LSP1: variants seen among roughly 807,000 people sequenced by gnomAD.
LSP1 encodes the protein lymphocyte specific protein 1, also known as lymphocyte-specific protein 1.
Under a neutral mutation model 49.3 loss-of-function variants are expected in LSP1, and 32 were observed. That is an observed-to-expected ratio of 0.65 (90% CI 0.49 to 0.87). LSP1 has a LOEUF of 0.87. LSP1 is among the 40% of genes least tolerant of loss of function. The pLI is 0.00. For synonymous variants in LSP1, 179 were observed against 178.8 expected, an observed-to-expected ratio of 1.00 and a Z score of -0.01; for missense variants, 428 against 442.6, an observed-to-expected ratio of 0.97 and a Z score of 0.30.
intron 1 of LSP1, among the ~76,000 whole-genome samples, chr11:1,855,171 G>T (rs74047611): frequency 0.055 from 8,339 of 152,276 alleles, 767 homozygotes; most frequent in African/African-American, 0.19. Context: ...GAAACTGAGA[G>T]CCCCAGTGGG....
intron 10 of LSP1, chr11:1,889,001 G>A: frequency 1.8e-6 from 1 of 550,716 alleles, no homozygotes; most frequent in Non-Finnish European, 3.2e-6. Flanking sequence ...AGCACCCCAT[G>A]TGCCCTTCCC....
At chr11:1,878,043 G>A (rs1459397871) in intron 1 of LSP1, among the ~76,000 whole-genome samples, 6 of 152,132 alleles carry the variant, frequency 3.9e-5, no homozygotes, top group African/African-American at 1.4e-4. Flanking sequence ...TGGAGTGAGG[G>A]CCCTGGACCC....
rs1298324143 is a variant in LSP1, at chr11:1,880,145, C to A, written c.112C>A (p.His38Asn). ...EEEAVHEQCQ[H>N]ERDRQLQAQD... ...GGAGGCCGTCCACGAGCAATGCCAG[C>A]ATGAGAGAGACAGGCAGCTTCAGGC... Residue 38 changes from histidine to asparagine, a missense_variant, in exon 2 of 11, where the codon CAT becomes AAT. Transcript: ENST00000311604. The A allele has an allele frequency of 6.2e-7, 1 of 1,608,570 alleles. No individual in the cohort carries two copies. Among genetic ancestry groups the A allele is most frequent in the Non-Finnish European group, 8.5e-7 (1 of 1,176,904 alleles).
At chr11:1,872,169 G>C (rs1848051845) in intron 1 of LSP1, among the ~76,000 whole-genome samples, 1 of 141,264 alleles carries the variant, frequency 7.1e-6, no homozygotes, top group African/African-American at 2.7e-5. Flanking sequence ...TGCTGGTAGA[G>C]TTGGGGTCTG....
intron 1 of LSP1, among the ~76,000 whole-genome samples, chr11:1,860,242 A>AATGG (rs916169602): frequency 5.9e-5 from 9 of 152,220 alleles, no homozygotes; most frequent in South Asian, 4.2e-4. Context: ...AGTAGGAACA[A>AATGG]ATGGATGGAT....
chr11:1,870,749 A>C (rs1331908857), intron 1 of LSP1: 1 of 997,132 alleles, frequency 1.0e-6, no homozygotes, highest in Non-Finnish European at 1.2e-6. Flanking sequence ...CAGAGACTTC[A>C]GGGATGTGAG....
chr11:1,872,622 G>A (rs1257214282), intron 1 of LSP1, among the ~76,000 whole-genome samples: 4 of 134,040 alleles, frequency 3.0e-5, no homozygotes, highest in African/African-American at 8.7e-5. Flanking sequence ...CAGTCACCCC[G>A]GTGCACGCTG....
chr11:1,859,739 C>T (rs1847578758), intron 1 of LSP1, among the ~76,000 whole-genome samples: 1 of 150,760 alleles, frequency 6.6e-6, no homozygotes, highest in Admixed American at 6.6e-5. Flanking sequence ...TGACCCACCA[C>T]CCTGCCCCCT....
chr11:1,866,294 C>A lies in LSP1; in HGVS notation c.53+13097C>A, dbSNP rs112621430. On this transcript the variant is annotated intron_variant, in intron 1 of 10. Transcript: ENST00000311604. ...GACCTCGAGCTACTGGAAGGCAGGG[C>A]TGGCATCGGTCGGCTTGCCACTGCC... is the stretch of plus-strand genomic sequence containing the variant. Among the ~76,000 whole-genome samples, 1,462 of 152,322 alleles carry A rather than the reference C, an allele frequency of 9.6e-3. 26 individuals are homozygous for A. The highest frequency in any genetic ancestry group is 0.032 in the African/African-American group (1,316 of 41,554).
At chr11:1,857,978 A>T in intron 1 of LSP1, among the ~76,000 whole-genome samples, 1 of 151,344 alleles carries the variant, frequency 6.6e-6, no homozygotes. Context: ...CTGGTCTTGA[A>T]CTCCTGACCT....
At position 1,884,232 on chromosome 11, in the gene LSP1, GC is replaced by G; in HGVS notation, c.592-47del. ...GAGTAGCTGGGGAGATGGAGGGTGG[GC>G]TTTACCTCGGCTGCTGCAGGCCTGT... On this transcript the variant is annotated intron_variant, in intron 5 of 10. Coordinates refer to ENST00000311604, the MANE Select transcript of LSP1 (RefSeq NM_002339.3). The surrounding 1 kb of genome is among the most constrained non-coding windows in gnomAD (Gnocchi z 4.1). 6.2e-7 allele frequency: 1 copy of G among 1,609,648 alleles called. No individual in the cohort carries two copies. Among genetic ancestry groups the G allele is most frequent in the South Asian group, 1.1e-5 (1 of 90,966 alleles).
intron 1 of LSP1, among the ~76,000 whole-genome samples, chr11:1,865,430 C>A (rs117029470): frequency 6.8e-6 from 1 of 147,694 alleles, no homozygotes; most frequent in Admixed American, 6.7e-5. Context: ...TGTGTGAGTG[C>A]GGAGGCTGCT....
intron 2 of LSP1, 115 bp downstream of exon 2, chr11:1,880,339 C>A (rs1241566133): frequency 3.2e-6 from 4 of 1,257,786 alleles, no homozygotes; most frequent in Non-Finnish European, 4.2e-6. Flanking sequence ...AGGATGAGAG[C>A]GAGGAAGGGC....
intron 10 of LSP1, among the ~76,000 whole-genome samples, chr11:1,887,912 C>T (rs1046182060): frequency 6.6e-6 from 1 of 152,158 alleles, no homozygotes; most frequent in Non-Finnish European, 1.5e-5. Flanking sequence ...ACAGGGCTAG[C>T]ATTGAAGGAA....
intron 1 of LSP1, among the ~76,000 whole-genome samples, chr11:1,858,422 C>T (rs549730291): frequency 7.0e-4 from 106 of 152,366 alleles, no homozygotes; most frequent in African/African-American, 2.2e-3. Context: ...GAACTGGGAC[C>T]GGGCGCTGCA....
chr11:1,870,521 T>C (rs1407168141), intron 1 of LSP1: 2 of 1,186,824 alleles, frequency 1.7e-6, no homozygotes, highest in African/African-American at 1.6e-5. Flanking sequence ...CAGGCAGACA[T>C]GGTGTGGGGG....
At chr11:1,862,307 T>C (rs1317648972) in intron 1 of LSP1, among the ~76,000 whole-genome samples, 1 of 152,222 alleles carries the variant, frequency 6.6e-6, no homozygotes, top group Non-Finnish European at 1.5e-5. Context: ...AAACCATGAA[T>C]CTTGGCCGCT....
rs148564328 is a variant in LSP1 at position 1,881,531 on chromosome 11, G to A, written c.291G>A (p.Ala97=). The A allele has an allele frequency of 1.5e-5, 23 of 1,555,158 alleles. No homozygotes were observed. Among genetic ancestry groups the A allele is most frequent in the Middle Eastern group, 1.7e-4 (1 of 5,886 alleles). Reference sequence around the variant, plus strand: ...AGCAGCGGCAGCAGCACGAGGGGGCGCAGGGCGCCTTGGACAGCGGAGAGC... The same window carrying A: ...AGCAGCGGCAGCAGCACGAGGGGGCACAGGGCGCCTTGGACAGCGGAGAGC... The part of the protein sequence containing the change: ...RPEQRQQHEG[A]QGALDSGEPP... The change falls in exon 3 of 11, where the codon GCG becomes GCA. Residue 97 remains alanine (A), a synonymous_variant. Transcript: ENST00000311604.
intron 1 of LSP1, 47 bp downstream of exon 1, chr11:1,853,244 T>A: frequency 2.5e-6 from 4 of 1,584,190 alleles, no homozygotes; most frequent in Non-Finnish European, 1.7e-6. Context: ...TGTCCACGGG[T>A]GCATAGTCCT....
Sources: gnomAD v4.1 joint callset for allele counts (sites outside exome capture counted in the v4.1 genomes callset) on GRCh38, gnomAD v4.1.1 for gene constraint, Gnocchi (gnomAD v3.1) non-coding constraint, MANE v1.5 for transcripts, NCBI Gene and HGNC (gene_info 2026-07-23, HGNC 2026-07-21) for gene names.